The following MCOLN2 variants were observed in gnomAD, a reference collection of about 807,000 sequenced individuals.
The protein encoded by MCOLN2 is mucolipin-2.
Under a neutral mutation model 67.5 loss-of-function variants are expected in MCOLN2, and 57 were observed. The ratio of observed to expected loss-of-function variants is 0.84; its 90% confidence interval spans 0.68 to 1.05. The LOEUF (loss-of-function observed/expected upper bound fraction) is 1.05. MCOLN2 is among the 50% of genes least tolerant of loss of function. MCOLN2 has a pLI of 0.00. For synonymous variants in MCOLN2, 246 were observed against 233.3 expected (o/e 1.05, Z -0.50); for missense variants, 620 against 678.8 (o/e 0.91, Z 0.96).
At chr1:84,941,398 G>A (rs775755019) in intron 7 of MCOLN2, among the ~76,000 whole-genome samples, 7 of 152,222 alleles carry the variant, frequency 4.6e-5, no homozygotes, top group African/African-American at 7.2e-5. Context: ...TTGGGAGGCT[G>A]AGGCAGAAGA....
chr1:84,987,551 TACATCTATGTATAC>T (rs1650640974), intron 1 of MCOLN2, among the ~76,000 whole-genome samples: 18 of 97,486 alleles, frequency 1.8e-4, no homozygotes, highest in Admixed American at 1.2e-4. Context: ...CATAGATGTA[TACATCTATGTATAC>T]ATAGATGTAT....
At chr1:84,933,526 G>C (rs1647273197) in intron 11 of MCOLN2, among the ~76,000 whole-genome samples, 1 of 152,242 alleles carries the variant, frequency 6.6e-6, no homozygotes, top group Non-Finnish European at 1.5e-5. Context: ...GCGATTGCCA[G>C]AGTAAATATT....
chr1:84,927,800 T>C (rs1661232382), intron 13 of MCOLN2, among the ~76,000 whole-genome samples: 1 of 152,176 alleles, frequency 6.6e-6, no homozygotes, highest in South Asian at 2.1e-4. Flanking sequence ...ATTTTATTTT[T>C]TAAGAGGCGG....
intron 1 of MCOLN2, among the ~76,000 whole-genome samples, chr1:84,990,957 T>C (rs1010586037): frequency 6.6e-6 from 1 of 151,998 alleles, no homozygotes; most frequent in Non-Finnish European, 1.5e-5. Flanking sequence ...CTAGCATTTA[T>C]ATGTGTATAT....
At chr1:84,982,879 A>G (rs1273068560) in intron 1 of MCOLN2, among the ~76,000 whole-genome samples, 1 of 151,676 alleles carries the variant, frequency 6.6e-6, no homozygotes, top group Non-Finnish European at 1.5e-5. Flanking sequence ...ATTTTTTATT[A>G]TTATTATTTT....
chr1:84,926,839 T>C (rs909094919), intron 13 of MCOLN2, 118 bp from the exon 14 acceptor site: 12 of 626,826 alleles, frequency 1.9e-5, no homozygotes, highest in African/African-American at 1.3e-4. Flanking sequence ...GAGTGAAACA[T>C]AGAAGAGGAA....
chr1:84,983,220 CT>C (rs1216412366), intron 1 of MCOLN2, among the ~76,000 whole-genome samples: 2 of 152,040 alleles, frequency 1.3e-5, no homozygotes, highest in Non-Finnish European at 2.9e-5. Flanking sequence ...TCCCCACCAC[CT>C]TTATTTCCCC....
chr1:84,992,440 T>A (rs1166450730), intron 1 of MCOLN2, among the ~76,000 whole-genome samples: 1 of 152,066 alleles, frequency 6.6e-6, no homozygotes, highest in East Asian at 1.9e-4. Context: ...AGTAGAAAGC[T>A]CAGCTATAGG....
rs1256532669 is a variant in MCOLN2, at chr1:84,929,932, T to TAA, written c.1543-254_1543-253insTT. 8.6e-4 allele frequency: 199 copies of TAA among 230,110 alleles called. 1 individual carries two copies. The highest frequency in any genetic ancestry group is 3.6e-3 in the African/African-American group (138 of 38,420). 14.3% of individuals were successfully genotyped at this position (230,110 alleles called of 1,614,324 possible). On this transcript the variant is annotated intron_variant, in intron 12 of 13. Coordinates refer to ENST00000370608, the MANE Select transcript of MCOLN2 (RefSeq NM_153259.4). ...GAGAAGAGCCAGGGAGAGGTTTTTT[T>TAA]TAAAAAAAAAAAAGGTAATGAAGGA...
At chr1:84,945,910 G>A (rs535388492) in intron 7 of MCOLN2, among the ~76,000 whole-genome samples, 28 of 151,912 alleles carry the variant, frequency 1.8e-4, no homozygotes, top group African/African-American at 5.3e-4. Flanking sequence ...CACCATGCCC[G>A]GCTAATTTTT....
intron 3 of MCOLN2, among the ~76,000 whole-genome samples, chr1:84,956,855 C>T (rs952426034): frequency 2.0e-5 from 3 of 152,206 alleles, no homozygotes; most frequent in Non-Finnish European, 4.4e-5. Context: ...ACCTCATCTA[C>T]TCCAGTCCCT....
At chr1:84,987,849 AG>A (rs1404250683) in intron 1 of MCOLN2, among the ~76,000 whole-genome samples, 1 of 151,906 alleles carries the variant, frequency 6.6e-6, no homozygotes, top group Non-Finnish European at 1.5e-5. Flanking sequence ...TCTCACTTAT[AG>A]GTGTGAGCTA....
chr1:84,956,192 C>T (rs761652029), intron 4 of MCOLN2, among the ~76,000 whole-genome samples: 3 of 152,154 alleles, frequency 2.0e-5, no homozygotes, highest in Non-Finnish European at 4.4e-5. Context: ...AATATACCCC[C>T]AAACCAACAA....
intron 3 of MCOLN2, among the ~76,000 whole-genome samples, 196 bp from the exon 4 acceptor site, chr1:84,956,780 A>T (rs780143802): frequency 9.9e-5 from 15 of 152,204 alleles, no homozygotes; most frequent in Non-Finnish European, 2.1e-4. Context: ...AACTCGAAAC[A>T]AAACAAGGTG....
chr1:84,937,222 T>C (rs1202580265), intron 11 of MCOLN2, among the ~76,000 whole-genome samples: 3 of 152,260 alleles, frequency 2.0e-5, no homozygotes, highest in African/African-American at 4.8e-5. Context: ...AGTTTGGTAA[T>C]AGTTTAGAAT....
Position 84,963,912 on chromosome 1 carries a change from T to C in MCOLN2, c.237+1637A>G, listed in dbSNP as rs147284295. ...AATGATATTTTATGCCTGGGTAAATTAGAATTTTAGTAACGTTAATAGATC... is the reference window on the plus strand; with the variant it reads ...AATGATATTTTATGCCTGGGTAAATCAGAATTTTAGTAACGTTAATAGATC... On this transcript the variant is annotated intron_variant, in intron 2 of 13. Transcript: ENST00000370608. 3.4e-4 allele frequency among the ~76,000 whole-genome samples: 52 copies of C among 152,298 alleles called. 1 individual carries two copies. The East Asian group carries it at 6.4e-3, about 19-fold the overall frequency.
At chr1:84,973,506 G>A (rs1048162044) in intron 1 of MCOLN2, among the ~76,000 whole-genome samples, 2 of 152,034 alleles carry the variant, frequency 1.3e-5, no homozygotes, top group Non-Finnish European at 2.9e-5. Flanking sequence ...AAAACATCAG[G>A]TGCCTGTGTT....
At chr1:84,959,816 A>G (rs1055674504) in intron 2 of MCOLN2, among the ~76,000 whole-genome samples, 2 of 152,214 alleles carry the variant, frequency 1.3e-5, no homozygotes, top group Non-Finnish European at 2.9e-5. Context: ...TGACCCTGAC[A>G]GTTCTGTTAT....
intron 1 of MCOLN2, among the ~76,000 whole-genome samples, chr1:84,990,840 C>A (rs899137061): frequency 6.6e-6 from 1 of 151,720 alleles, no homozygotes; most frequent in African/African-American, 2.4e-5. Context: ...GGGGCTGAGG[C>A]AGGAGGATCG....
Sources: gnomAD v4.1 joint callset for allele counts (sites outside exome capture counted in the v4.1 genomes callset) on GRCh38, gnomAD v4.1.1 for gene constraint, MANE v1.5 for transcripts, NCBI Gene and HGNC (gene_info 2026-07-23, HGNC 2026-07-21) for gene names.